Variants in GRM1 observed in about 807,000 individuals in gnomAD.
GRM1 encodes the protein metabotropic glutamate receptor 1.
Under a neutral mutation model 90.9 loss-of-function variants are expected in GRM1, and 33 were observed. That is an observed-to-expected ratio of 0.36 (90% CI 0.28 to 0.49). GRM1 has a LOEUF of 0.49. Ranked by LOEUF, GRM1 falls within the 20% of genes least tolerant of loss-of-function variation. The probability of loss-of-function intolerance (pLI) is 0.99; values close to 1 mark genes in which losing one functional copy is unlikely to be tolerated. For missense variants in GRM1, 1,190 were observed against 1,534.3 expected (o/e 0.78, Z 3.75); for synonymous variants, 700 against 613.2 (o/e 1.14, Z -2.09).
rs1365426641 is a variant in GRM1, at chr6:146,204,029, G to T, written c.950+44432G>T. Among the ~76,000 whole-genome samples the T allele has an allele frequency of 3.9e-5, 6 of 152,234 alleles. No individual in the cohort carries two copies. The East Asian group carries it at 1.2e-3, about 29-fold the overall frequency. Reference sequence around the variant, plus strand: ...AGCACATGTAGATTGTGTTATTTTTGAATATAATGTTCTTATTGAGTGTTA... The same window carrying T: ...AGCACATGTAGATTGTGTTATTTTTTAATATAATGTTCTTATTGAGTGTTA... On this transcript the variant is annotated intron_variant, in intron 2 of 7. Coordinates refer to ENST00000282753, the MANE Select transcript of GRM1 (RefSeq NM_001278064.2).
chr6:146,296,461 A>G (rs1196061021), intron 2 of GRM1, among the ~76,000 whole-genome samples: 1 of 152,186 alleles, frequency 6.6e-6, no homozygotes, highest in Non-Finnish European at 1.5e-5. Flanking sequence ...ATTTAAAAAT[A>G]CACAATACGT....
At chr6:146,339,175 A>T (rs1487682938) in intron 3 of GRM1, among the ~76,000 whole-genome samples, 1 of 152,166 alleles carries the variant, frequency 6.6e-6, no homozygotes, top group African/African-American at 2.4e-5. Context: ...TTCTCATTTT[A>T]ATTTTATTCT....
chr6:146,153,080 T>C (rs73785480), intron 1 of GRM1, among the ~76,000 whole-genome samples: 6,581 of 152,240 alleles, frequency 0.043, 174 homozygotes, highest in Admixed American at 0.061. Flanking sequence ...GCTCATGACC[T>C]GGTAGATAGC....
intron 2 of GRM1, among the ~76,000 whole-genome samples, chr6:146,267,979 T>C (rs537494385): frequency 1.3e-5 from 2 of 152,154 alleles, no homozygotes; most frequent in African/African-American, 4.8e-5. Flanking sequence ...GGTTGAATGA[T>C]ATTTCTGCCT....
chr6:146,392,368 A>G (rs1268529294), intron 6 of GRM1, among the ~76,000 whole-genome samples: 3 of 152,128 alleles, frequency 2.0e-5, no homozygotes, highest in Non-Finnish European at 2.9e-5. Flanking sequence ...TGGTGTTGAC[A>G]TGCACTGTCT....
At chr6:146,221,102 GA>G in intron 2 of GRM1, among the ~76,000 whole-genome samples, 1 of 152,174 alleles carries the variant, frequency 6.6e-6, no homozygotes, top group South Asian at 2.1e-4. Context: ...ACTTGAGTAG[GA>G]ATATATTTCT....
At chr6:146,287,306 G>C (rs187773302) in intron 2 of GRM1, among the ~76,000 whole-genome samples, 2 of 152,080 alleles carry the variant, frequency 1.3e-5, no homozygotes, top group Admixed American at 6.5e-5. Flanking sequence ...AAGAGGTCAG[G>C]GTCCTAGATA....
At chr6:146,286,467 A>G (rs1383987538) in intron 2 of GRM1, among the ~76,000 whole-genome samples, 1 of 152,190 alleles carries the variant, frequency 6.6e-6, no homozygotes, top group Non-Finnish European at 1.5e-5. Flanking sequence ...GATTGCTAAA[A>G]TGTCAGGATT....
chr6:146,368,011 T>C (rs1478404043), intron 5 of GRM1, among the ~76,000 whole-genome samples: 2 of 152,086 alleles, frequency 1.3e-5, no homozygotes, highest in African/African-American at 4.8e-5. Flanking sequence ...GGAATATCTT[T>C]TTATTGTTTT....
At chr6:146,063,062 C>T (rs1775728421) in intron 1 of GRM1, among the ~76,000 whole-genome samples, 2 of 152,086 alleles carry the variant, frequency 1.3e-5, no homozygotes, top group Admixed American at 1.3e-4. Flanking sequence ...CCAAAGCAAC[C>T]AACAGTCACC....
chr6:146,319,932 T>C (rs1332885918), intron 3 of GRM1, among the ~76,000 whole-genome samples: 1 of 152,328 alleles, frequency 6.6e-6, no homozygotes, highest in East Asian at 1.9e-4. Flanking sequence ...TGACTTCCTC[T>C]TCTCCTATTT....
At chr6:146,142,975 T>C (rs1255831247) in intron 1 of GRM1, among the ~76,000 whole-genome samples, 1 of 152,164 alleles carries the variant, frequency 6.6e-6, no homozygotes, top group East Asian at 1.9e-4. Context: ...TCTCCCATCA[T>C]AGCTACCACA....
chr6:146,428,823 T>G (rs1472456637), intron 7 of GRM1, among the ~76,000 whole-genome samples: 4 of 152,152 alleles, frequency 2.6e-5, no homozygotes, highest in Admixed American at 2.0e-4. Flanking sequence ...TTGGAAAAAT[T>G]TTAGTATCCA....
In GRM1 at chr6:146,398,993, C is replaced by T; in HGVS notation, c.1954C>T (p.Pro652Ser). The change falls in exon 7 of 8, where the codon CCT becomes TCT. Residue 652 changes from proline (P) to serine (S), a missense_variant. Transcript: ENST00000282753. ...YVCPFTLIAK[P>S]TTTSCYLQRL... ...GTGCCCATTCACTCTCATTGCCAAA[C>T]CTACTACCACCTCCTGCTACCTCCA... is the stretch of plus-strand genomic sequence containing the variant. The T allele has an allele frequency of 1.2e-6, 2 of 1,614,054 alleles. No homozygotes were observed. Among genetic ancestry groups the T allele is most frequent in the Non-Finnish European group, 1.7e-6 (2 of 1,179,956 alleles).
chr6:146,181,239 T>C (rs1389059044), intron 2 of GRM1, among the ~76,000 whole-genome samples: 1 of 145,920 alleles, frequency 6.9e-6, no homozygotes, highest in African/African-American at 2.5e-5. Flanking sequence ...TTGCCACCTT[T>C]AAAAAAAAAA....
intron 7 of GRM1, among the ~76,000 whole-genome samples, chr6:146,400,100 A>G (rs141272591): frequency 2.6e-5 from 4 of 152,338 alleles, no homozygotes; most frequent in Admixed American, 6.5e-5. Context: ...AGTTCTGACC[A>G]TGGTGAAAGT....
intron 7 of GRM1, among the ~76,000 whole-genome samples, chr6:146,433,149 C>G (rs538238697): frequency 6.6e-6 from 1 of 152,166 alleles, no homozygotes; most frequent in African/African-American, 2.4e-5. Context: ...AAATCCCAAA[C>G]CAGCTTCTGT....
At chr6:146,289,351 A>T (rs1372718098) in intron 2 of GRM1, among the ~76,000 whole-genome samples, 2 of 152,206 alleles carry the variant, frequency 1.3e-5, no homozygotes, top group African/African-American at 2.4e-5. Context: ...AAAGTTTAAA[A>T]AGTGACGTAA....
chr6:146,285,557 T>C (rs1583275033), intron 2 of GRM1, among the ~76,000 whole-genome samples: 1 of 152,208 alleles, frequency 6.6e-6, no homozygotes, highest in South Asian at 2.1e-4. Context: ...TCTCAACCTT[T>C]CATTAGATTC....
Sources: allele counts gnomAD v4.1 joint callset (sites outside exome capture counted in the v4.1 genomes callset), GRCh38; gene constraint gnomAD v4.1.1; transcripts MANE v1.5; gene names NCBI Gene and HGNC (gene_info 2026-07-23, HGNC 2026-07-21).